Variants in MAML1 observed in about 807,000 individuals in gnomAD.
MAML1 encodes mastermind like transcriptional coactivator 1, also known as mastermind-like protein 1.
Under a neutral mutation model 77.1 loss-of-function variants are expected in MAML1, and 14 were observed. The observed-to-expected ratio is 0.18, with a 90% CI of 0.12 to 0.28. The LOEUF (loss-of-function observed/expected upper bound fraction) is 0.28, where lower values mean the gene tolerates loss of function less well. Ranked by LOEUF, MAML1 falls within the 10% of genes least tolerant of loss-of-function variation. The pLI, the probability that MAML1 is intolerant of heterozygous loss-of-function variation, is 1.00. For synonymous variants in MAML1, 516 were observed against 551.9 expected, an observed-to-expected ratio of 0.93 and a Z score of 0.91; for missense variants, 1,217 against 1,327.8, an observed-to-expected ratio of 0.92 and a Z score of 1.30.
At chr5:179,762,107 G>A (rs1158821204) in intron 1 of MAML1, among the ~76,000 whole-genome samples, 1 of 152,236 alleles carries the variant, frequency 6.6e-6, no homozygotes, top group African/African-American at 2.4e-5. Context: ...AGCTGTGTCT[G>A]TCAGCTCAGA....
intron 1 of MAML1, among the ~76,000 whole-genome samples, chr5:179,739,066 T>G (rs1400825508): frequency 2.0e-5 from 3 of 152,220 alleles, no homozygotes; most frequent in Non-Finnish European, 4.4e-5. Flanking sequence ...TTTCCCTTAT[T>G]AATTCATGCA....
rs1477867037 is a variant in MAML1, at chr5:179,765,517, A to T, written c.507A>T (p.Gly169=). Residue 169 remains glycine, a synonymous_variant, in exon 2 of 5, where the codon GGA becomes GGT. Transcript: ENST00000292599. Reference sequence around the variant, plus strand: ...TCGGTCAGTCTGACAAGCCTTCTGGAGCCGACGCCCTGCAGTCCAGTGGGA... The same window carrying T: ...TCGGTCAGTCTGACAAGCCTTCTGGTGCCGACGCCCTGCAGTCCAGTGGGA... ...SPLGQSDKPS[G]ADALQSSGKH... The T allele has an allele frequency of 6.2e-7, 1 of 1,614,060 alleles. No individual in the cohort carries two copies. The highest frequency in any genetic ancestry group is 1.1e-5 in the South Asian group (1 of 91,072).
chr5:179,759,443 G>A (rs1455301975), intron 1 of MAML1, among the ~76,000 whole-genome samples: 1 of 152,260 alleles, frequency 6.6e-6, no homozygotes, highest in Non-Finnish European at 1.5e-5. Flanking sequence ...TACATCATAA[G>A]TAACTGGAAA....
At chr5:179,749,678 G>T (rs964112896) in intron 1 of MAML1, among the ~76,000 whole-genome samples, 1 of 152,202 alleles carries the variant, frequency 6.6e-6, no homozygotes, top group Admixed American at 6.5e-5. Context: ...CAGCAAACAG[G>T]AGCCCAACAC....
Position 179,775,968 on chromosome 5 carries a change from G to A in MAML1, c.*1091G>A. On this transcript the variant is annotated 3_prime_UTR_variant, in exon 5 of 5. Transcript: ENST00000292599. ...CGGAGGAAGCAATTCCACTTGGTTTGACAACTTCTGCCACTCCCATGTCAG... is the reference window on the plus strand; with the variant it reads ...CGGAGGAAGCAATTCCACTTGGTTTAACAACTTCTGCCACTCCCATGTCAG... 1.1e-5 allele frequency: 11 copies of A among 985,760 alleles called. No homozygotes were observed. The highest frequency in any genetic ancestry group is 1.3e-5 in the Non-Finnish European group (11 of 829,938). 61.1% of individuals were successfully genotyped at this position (985,760 alleles called of 1,614,324 possible). A position where few individuals can be genotyped will look rare whatever the true frequency, so the allele number is the denominator to read the frequency against.
intron 1 of MAML1, among the ~76,000 whole-genome samples, chr5:179,739,377 C>T (rs982353796): frequency 2.0e-5 from 3 of 151,730 alleles, no homozygotes; most frequent in African/African-American, 4.8e-5. Context: ...TAGAACGGAA[C>T]GGAACGGAAT....
At chr5:179,753,663 T>A (rs796935127) in intron 1 of MAML1, among the ~76,000 whole-genome samples, 2,111 of 125,120 alleles carry the variant, frequency 0.017, 54 homozygotes, top group African/African-American at 0.068. Context: ...TATTTTTTTT[T>A]TTTTTTTTTT....
intron 1 of MAML1, among the ~76,000 whole-genome samples, chr5:179,741,564 T>TA (rs1307956650): frequency 6.6e-6 from 1 of 151,378 alleles, no homozygotes; most frequent in African/African-American, 2.4e-5. Context: ...CATACACCTG[T>TA]AATCCCAGTT....
chr5:179,773,503 G>A (rs868719634), intron 4 of MAML1, among the ~76,000 whole-genome samples: 2 of 151,568 alleles, frequency 1.3e-5, no homozygotes, highest in Non-Finnish European at 2.9e-5. Context: ...CTGGCCAGGC[G>A]CGCCCCATCG....
Position 179,774,943 on chromosome 5 carries a change from G to A in MAML1, c.*66G>A. The A allele has an allele frequency of 6.6e-7, 1 of 1,518,064 alleles. No individual in the cohort carries two copies. Among genetic ancestry groups the A allele is most frequent in the Non-Finnish European group, 8.8e-7 (1 of 1,138,212 alleles). 94.0% of individuals were successfully genotyped at this position (1,518,064 alleles called of 1,614,324 possible). A position where few individuals can be genotyped will look rare whatever the true frequency, so the allele number is the denominator to read the frequency against. On this transcript the variant is annotated 3_prime_UTR_variant, in exon 5 of 5. Transcript: ENST00000292599. ...ATTTTTATTCTCAGATTCAAAGAAA[G>A]AGCAACTACTTTGGACCAAAAGCCC...
Position 179,774,578 on chromosome 5 carries a change from G to C in MAML1, c.2752G>C (p.Ala918Pro). Residue 918 changes from alanine (A) to proline (P), a missense_variant, in exon 5 of 5, where the codon GCA (alanine) becomes CCA (proline). This residue lies in a region of MAML1 where 884 missense variants were observed against 949.3 expected (regional missense o/e 0.93). Coordinates refer to ENST00000292599, the MANE Select transcript of MAML1 (RefSeq NM_014757.5). Reference protein sequence around the residue: ...AQQRTSAPAPAPPPTAPQQGL... With the variant: ...AQQRTSAPAPPPPPTAPQQGL... ...GCAGAGGACCAGCGCCCCTGCCCCA[G>C]CACCACCCCCAACAGCCCCTCAGCA... 1 of 1,612,602 alleles carries C rather than the reference G, an allele frequency of 6.2e-7. No homozygotes were observed. Among genetic ancestry groups the C allele is most frequent in the Non-Finnish European group, 8.5e-7 (1 of 1,179,866 alleles).
At chr5:179,752,502 A>AATTTAAAGTTGCAT (rs144740369) in intron 1 of MAML1, among the ~76,000 whole-genome samples, 114,499 of 148,358 alleles carry the variant, frequency 0.77, 45,083 homozygotes, top group Non-Finnish European at 0.85. Flanking sequence ...GCTACTAGCA[A>AATTTAAAGTTGCAT]ATTTTGCCCA....
intron 4 of MAML1, among the ~76,000 whole-genome samples, chr5:179,773,001 C>T (rs1756037054): frequency 6.6e-6 from 1 of 152,240 alleles, no homozygotes. Flanking sequence ...AGCAATTCTC[C>T]TGCCTCAGCC....
intron 1 of MAML1, among the ~76,000 whole-genome samples, chr5:179,750,242 G>A (rs760877371): frequency 3.9e-5 from 6 of 152,132 alleles, no homozygotes; most frequent in Non-Finnish European, 5.9e-5. Flanking sequence ...TATCTCCTGC[G>A]GATTCTTGCT....
rs1756105066 is a variant in MAML1, at chr5:179,775,054, A to G, written c.*177A>G. ...GGTCTGTGGCTGCGCCCCTCAGGCC[A>G]GCAGTTGAGGTCCATCGGGCTGGCC... On this transcript the variant is annotated 3_prime_UTR_variant, in exon 5 of 5. Coordinates refer to ENST00000292599, the MANE Select transcript of MAML1 (RefSeq NM_014757.5). 3 of 1,417,948 alleles carry G rather than the reference A, an allele frequency of 2.1e-6. No individual in the cohort carries two copies. Among genetic ancestry groups the G allele is most frequent in the African/African-American group, 1.4e-5 (1 of 69,408 alleles). 87.8% of individuals were successfully genotyped at this position (1,417,948 alleles called of 1,614,324 possible).
At chr5:179,740,035 A>G (rs1779251226) in intron 1 of MAML1, among the ~76,000 whole-genome samples, 1 of 152,210 alleles carries the variant, frequency 6.6e-6, no homozygotes, top group African/African-American at 2.4e-5. Flanking sequence ...GTCATGTGAT[A>G]CTAAATGACA....
chr5:179,760,872 A>T (rs1779710724), intron 1 of MAML1, among the ~76,000 whole-genome samples: 1 of 151,774 alleles, frequency 6.6e-6, no homozygotes, highest in Non-Finnish European at 1.5e-5. Context: ...TGGGCAGATC[A>T]CAAGGTCAGG....
Position 179,773,553 on chromosome 5 carries a change from C to T in MAML1, c.2069-342C>T, listed in dbSNP as rs182427218. ...CCATCGTGCCATGTGCTAACTTTGCCTCCCAGAGGCGGATCTTGCGTTGGG... is the reference window on the plus strand; with the variant it reads ...CCATCGTGCCATGTGCTAACTTTGCTTCCCAGAGGCGGATCTTGCGTTGGG... On this transcript the variant is annotated intron_variant, in intron 4 of 4. Coordinates refer to ENST00000292599, the MANE Select transcript of MAML1 (RefSeq NM_014757.5). Among the ~76,000 whole-genome samples the T allele has an allele frequency of 6.6e-5, 10 of 152,404 alleles. No individual in the cohort carries two copies. The East Asian group carries it at 1.9e-3, about 29-fold the overall frequency.
Position 179,753,654 on chromosome 5 carries a change from A to ATTT in MAML1, c.316-11651_316-11649dup, listed in dbSNP as rs1209995171. Among the ~76,000 whole-genome samples, 701 of 88,824 alleles carry ATTT rather than the reference A, an allele frequency of 7.9e-3. 23 individuals are homozygous for ATTT. The highest frequency in any genetic ancestry group is 9.4e-3 in the Non-Finnish European group (422 of 45,044). 58.3% of individuals were successfully genotyped at this position (88,824 alleles called of 152,430 possible). On this transcript the variant is annotated intron_variant, in intron 1 of 4. Coordinates refer to ENST00000292599, the MANE Select transcript of MAML1 (RefSeq NM_014757.5). ...TTTGGGTTGTTTTATTATTATTATT[A>ATTT]TTTTTTTTTTTTTTTTTTTTTTTGA...
Sources: allele counts gnomAD v4.1 joint callset (sites outside exome capture counted in the v4.1 genomes callset), GRCh38; gene constraint gnomAD v4.1.1; regional missense constraint gnomAD v4.1.1; transcripts MANE v1.5; gene names NCBI Gene and HGNC (gene_info 2026-07-23, HGNC 2026-07-21).